Variants in GPR146 observed in about 807,000 individuals in gnomAD.
The protein encoded by GPR146 is G protein-coupled receptor 146.
For synonymous variants in GPR146, 203 were observed against 104.3 expected (o/e 1.95, Z -5.77); for missense variants, 381 against 213.9 (o/e 1.78, Z -4.87).
chr7:1,057,649 AC>A lies in GPR146; in HGVS notation c.135del (p.Asn45LysfsTer15). ...VVGVPVGLCY[N>X]ALLVLANLHS... ...GGCGTGCCAGTGGGCCTGTGCTACA[AC>A]GCCCTGCTGGTGCTGGCCAACCTAC... On this transcript the variant is annotated frameshift_variant, in exon 2 of 2. Coordinates refer to ENST00000444847, the MANE Select transcript of GPR146 (RefSeq NM_001303473.2). LOFTEE classifies it low-confidence loss of function (END_TRUNC). The A allele has an allele frequency of 1.3e-6, 1 of 770,936 alleles. No individual in the cohort carries two copies. The highest frequency in any genetic ancestry group is 2.4e-6 in the Non-Finnish European group (1 of 415,936). The allele number at this position is 770,936 out of a possible 1,614,324, so 47.8% of individuals were successfully genotyped here.
Position 1,058,137 on chromosome 7 carries a change from G to A in GPR146, c.622G>A (p.Val208Met), listed in dbSNP as rs768207312. Residue 208 changes from valine to methionine, a missense_variant, in exon 2 of 2, where the codon GTG (valine) becomes ATG (methionine). By Grantham distance (21) the Val-to-Met change is conservative. Coordinates refer to ENST00000444847, the MANE Select transcript of GPR146 (RefSeq NM_001303473.2). ...VPALATLYAL[V>M]LLSRVRREDT... is the part of the protein sequence containing the mutation. The stretch of plus-strand genomic sequence containing the variant: ...AGCACTGGCCACCCTCTACGCGCTG[G>A]TGCTACTCTCCCGCGTCCGCAGGGA... 4.0e-6 allele frequency: 3 copies of A among 749,566 alleles called. No individual in the cohort carries two copies. The highest frequency in any genetic ancestry group is 2.7e-5 in the South Asian group (2 of 73,214). The allele number at this position is 749,566 out of a possible 1,614,324, so 46.4% of individuals were successfully genotyped here.
chr7:1,054,923 G>T (rs888880849), intron 1 of GPR146, among the ~76,000 whole-genome samples: 1 of 152,246 alleles, frequency 6.6e-6, no homozygotes, highest in African/African-American at 2.4e-5. Context: ...GCCTTCGCTC[G>T]ACAGTAGACC....
intron 1 of GPR146, among the ~76,000 whole-genome samples, chr7:1,049,174 T>A (rs1782864411): frequency 6.6e-6 from 1 of 152,202 alleles, no homozygotes; most frequent in Admixed American, 6.5e-5. Flanking sequence ...ACGGGGCCCA[T>A]GTTGTTGTCA....
intron 1 of GPR146, among the ~76,000 whole-genome samples, chr7:1,046,584 C>T (rs905990203): frequency 9.2e-5 from 14 of 152,270 alleles, no homozygotes; most frequent in African/African-American, 3.4e-4. Context: ...AATAACGTTT[C>T]GCTCCAATTT....
rs1298298122 is a variant in GPR146 at position 1,058,569 on chromosome 7, G to C, written c.*52G>C. On this transcript the variant is annotated 3_prime_UTR_variant, in exon 2 of 2. Coordinates refer to ENST00000444847, the MANE Select transcript of GPR146 (RefSeq NM_001303473.2). ...GACTCTGGTGGACGCAGAGCACTTA[G>C]TTACCCTGGACGCTCCCCACATCCT... is the stretch of plus-strand genomic sequence containing the variant. 2 of 726,144 alleles carry C rather than the reference G, an allele frequency of 2.8e-6. No homozygotes were observed. The highest frequency in any genetic ancestry group is 5.1e-6 in the Non-Finnish European group (2 of 391,462). 45.0% of individuals were successfully genotyped at this position (726,144 alleles called of 1,614,324 possible).
In GPR146 at chr7:1,055,960, G is replaced by A. The variant is rs187443867; in HGVS notation, c.-24-1532G>A. 2.2e-3 allele frequency: 344 copies of A among 153,188 alleles called. 1 individual carries two copies. Among genetic ancestry groups the A allele is most frequent in the Non-Finnish European group, 4.0e-3 (276 of 68,690 alleles). The allele number at this position is 153,188 out of a possible 1,614,324, so 9.5% of individuals were successfully genotyped here. On this transcript the variant is annotated intron_variant, in intron 1 of 1. Transcript: ENST00000444847. ...GCCACTCTGTGACAGCCAAAGCCAC[G>A]CAGCCTCGCAGGCAGAAGCTGGGGT...
chr7:1,053,547 G>A (rs907782214), intron 1 of GPR146, among the ~76,000 whole-genome samples: 12 of 152,224 alleles, frequency 7.9e-5, no homozygotes, highest in African/African-American at 1.2e-4. Context: ...TGTACACCTC[G>A]CTGGGCATGG....
chr7:1,051,573 C>G (rs1783115272), intron 1 of GPR146, among the ~76,000 whole-genome samples: 1 of 152,240 alleles, frequency 6.6e-6, no homozygotes. Flanking sequence ...GACCTCTCAC[C>G]CCATCCAAAT....
intron 1 of GPR146, among the ~76,000 whole-genome samples, chr7:1,053,318 G>A (rs975374647): frequency 7.9e-5 from 12 of 152,340 alleles, no homozygotes; most frequent in African/African-American, 1.2e-4. Context: ...GGCGGGGGAG[G>A]GGCGTCCACA....
Position 1,058,797 on chromosome 7 carries a change from C to T in GPR146, c.*280C>T, listed in dbSNP as rs1424636410. 1 of 469,614 alleles carries T rather than the reference C, an allele frequency of 2.1e-6. No homozygotes were observed. The highest frequency in any genetic ancestry group is 3.9e-6 in the Non-Finnish European group (1 of 256,458). 29.1% of individuals were successfully genotyped at this position (469,614 alleles called of 1,614,324 possible). On this transcript the variant is annotated 3_prime_UTR_variant, in exon 2 of 2. Transcript: ENST00000444847. ...AAAGCCTCCTCGCCTTCAGCCTCCT[C>T]AGCATTCAGTTTGTCAATGAAGTGA... is the stretch of plus-strand genomic sequence containing the variant.
At chr7:1,053,947 C>G (rs557514178) in intron 1 of GPR146, among the ~76,000 whole-genome samples, 4 of 152,338 alleles carry the variant, frequency 2.6e-5, no homozygotes, top group Admixed American at 2.0e-4. Context: ...TCCCAGGGAC[C>G]CTGTTCCTAC....
At position 1,058,338 on chromosome 7, in the gene GPR146, C is replaced by T. The variant is rs1784100862; in HGVS notation, c.823C>T (p.His275Tyr). The T allele has an allele frequency of 1.3e-6, 1 of 778,472 alleles. No homozygotes were observed. The highest frequency in any genetic ancestry group is 1.7e-5 in the African/African-American group (1 of 59,150). The allele number at this position is 778,472 out of a possible 1,614,324, so 48.2% of individuals were successfully genotyped here. The change falls in exon 2 of 2, where the codon CAC becomes TAC. Residue 275 changes from histidine to tyrosine, a missense_variant. His to Tyr is a moderately conservative substitution (Grantham distance 83, BLOSUM62 2). Coordinates refer to ENST00000444847, the MANE Select transcript of GPR146 (RefSeq NM_001303473.2). Reference sequence around the variant, plus strand: ...GGACGCACACTACCTGGGGCTACTGCACTTTGTGAAGGATTTCTCCAAACT... The same window carrying T: ...GGACGCACACTACCTGGGGCTACTGTACTTTGTGAAGGATTTCTCCAAACT... The part of the protein sequence containing the change: ...PVDAHYLGLL[H>Y]FVKDFSKLLA...
intron 1 of GPR146, among the ~76,000 whole-genome samples, chr7:1,046,290 G>T (rs146167030): frequency 1.3e-5 from 2 of 152,180 alleles, no homozygotes; most frequent in African/African-American, 4.8e-5. Flanking sequence ...CAACCACAGC[G>T]AGGTCTTGCC....
At chr7:1,051,042 A>G (rs1002180312) in intron 1 of GPR146, among the ~76,000 whole-genome samples, 4 of 152,140 alleles carry the variant, frequency 2.6e-5, no homozygotes, top group African/African-American at 9.7e-5. Context: ...AGCCCCGCAG[A>G]TGGCTGCTTA....
chr7:1,058,820 T>C lies in GPR146; in HGVS notation c.*303T>C, dbSNP rs1563062314. ...CTCAGCATTCAGTTTGTCAATGAAG[T>C]GATGAAAGCTTAGAGCCAGTATTTA... is the stretch of plus-strand genomic sequence containing the variant. On this transcript the variant is annotated 3_prime_UTR_variant, in exon 2 of 2. Transcript: ENST00000444847. The C allele has an allele frequency of 4.9e-6, 2 of 405,506 alleles. No homozygotes were observed. The allele number at this position is 405,506 out of a possible 1,614,324, so 25.1% of individuals were successfully genotyped here. A position where few individuals can be genotyped will look rare whatever the true frequency, so the allele number is the denominator to read the frequency against.
chr7:1,046,726 G>A (rs1782616934), intron 1 of GPR146, among the ~76,000 whole-genome samples: 1 of 152,214 alleles, frequency 6.6e-6, no homozygotes, highest in South Asian at 2.1e-4. Flanking sequence ...GGTGGGGCAG[G>A]TGTCTGTTCA....
chr7:1,057,673 TACACAGCAAGGCCAGCATGACCA>T lies in GPR146; in HGVS notation c.159_181del (p.His54AlafsTer375). Reference sequence around the variant, plus strand: ...AACGCCCTGCTGGTGCTGGCCAACCTACACAGCAAGGCCAGCATGACCATGCCGGACGTGTACTTTGTCAACAT... The same window carrying T: ...AACGCCCTGCTGGTGCTGGCCAACCTTGCCGGACGTGTACTTTGTCAACAT... On this transcript the variant is annotated frameshift_variant, in exon 2 of 2. Transcript: ENST00000444847. LOFTEE classifies it low-confidence loss of function (END_TRUNC). 1.3e-6 allele frequency: 1 copy of T among 772,706 alleles called. No individual in the cohort carries two copies. Among genetic ancestry groups the T allele is most frequent in the Admixed American group, 1.7e-5 (1 of 58,374 alleles). The allele number at this position is 772,706 out of a possible 1,614,324, so 47.9% of individuals were successfully genotyped here.
intron 1 of GPR146, among the ~76,000 whole-genome samples, chr7:1,053,618 G>C (rs552940206): frequency 6.6e-6 from 1 of 152,134 alleles, no homozygotes; most frequent in African/African-American, 2.4e-5. Flanking sequence ...ACCTGAGGTC[G>C]GGAGTTCGAG....
In GPR146 at chr7:1,058,182, G is replaced by T. The variant is rs2128205627; in HGVS notation, c.667G>T (p.Asp223Tyr). The T allele has an allele frequency of 1.3e-6, 1 of 740,900 alleles. No individual in the cohort carries two copies. The highest frequency in any genetic ancestry group is 2.5e-5 in the East Asian group (1 of 40,482). The allele number at this position is 740,900 out of a possible 1,614,324, so 45.9% of individuals were successfully genotyped here. A position where few individuals can be genotyped will look rare whatever the true frequency, so the allele number is the denominator to read the frequency against. ...VRREDTPLDRDTGRLEPSAHR... is the reference protein window; with the variant it reads ...VRREDTPLDRYTGRLEPSAHR... ...CAGGGAGGACACGCCCCTGGACCGG[G>T]ACACGGGCCGGCTGGAGCCCTCGGC... Residue 223 changes from aspartate (D) to tyrosine (Y), a missense_variant, in exon 2 of 2, where the codon GAC (aspartate) becomes TAC (tyrosine). Coordinates refer to ENST00000444847, the MANE Select transcript of GPR146 (RefSeq NM_001303473.2).
Sources: allele counts gnomAD v4.1 joint callset (sites outside exome capture counted in the v4.1 genomes callset), GRCh38; gene constraint gnomAD v4.1.1; transcripts MANE v1.5; gene names NCBI Gene and HGNC (gene_info 2026-07-23, HGNC 2026-07-21).